SLC48A1: variants seen among roughly 807,000 people sequenced by gnomAD.
SLC48A1 encodes the protein heme transporter HRG1.
Under a neutral mutation model 14.8 loss-of-function variants are expected in SLC48A1, and 6 were observed. The ratio of observed to expected loss-of-function variants is 0.41; its 90% CI spans 0.22 to 0.80. The LOEUF (loss-of-function observed/expected upper bound fraction) is 0.80. Ranked by LOEUF, SLC48A1 falls within the 30% of genes least tolerant of loss-of-function variation. The pLI is 0.34. For synonymous variants in SLC48A1, 89 were observed against 90.0 expected (o/e 0.99, Z 0.06); for missense variants, 165 against 204.8 (o/e 0.81, Z 1.19).
upstream of SLC48A1, among the ~76,000 whole-genome samples, chr12:47,772,783 T>G (rs906187439): frequency 6.6e-6 from 1 of 152,110 alleles, no homozygotes; most frequent in Non-Finnish European, 1.5e-5. Flanking sequence ...CTTTAGTGTG[T>G]GGAGAAATCC....
Position 47,780,990 on chromosome 12 carries a change from C to G in SLC48A1, c.*709C>G, listed in dbSNP as rs1194736226. The stretch of plus-strand genomic sequence containing the variant: ...ATGCTGCAGGCAAGGGTTTCCATCC[C>G]CGCTGCCCTAGGCACTCTCTTCCCA... On this transcript the variant is annotated 3_prime_UTR_variant, in exon 3 of 3. Coordinates refer to ENST00000442218, the MANE Select transcript of SLC48A1 (RefSeq NM_017842.3). 2.0e-6 allele frequency: 1 copy of G among 509,998 alleles called. No homozygotes were observed. The highest frequency in any genetic ancestry group is 4.0e-6 in the Non-Finnish European group (1 of 250,436). 31.6% of individuals were successfully genotyped at this position (509,998 alleles called of 1,614,324 possible). A position where few individuals can be genotyped will look rare whatever the true frequency, so the allele number is the denominator to read the frequency against.
exon 1 of SLC48A1, chr12:47,758,610 C>A (rs1404340975): frequency 1.6e-5 from 25 of 1,609,690 alleles, no homozygotes; most frequent in Non-Finnish European, 2.1e-5. Context: ...GCTGGGGGGT[C>A]CCCAGCGACC....
upstream of SLC48A1, chr12:47,772,324 T>C (rs983531506): frequency 4.5e-5 from 7 of 154,722 alleles, no homozygotes; most frequent in African/African-American, 1.7e-4. Context: ...TACAATGGTA[T>C]GATCCCGAGG....
chr12:47,767,423 A>G (rs1169958581), upstream of SLC48A1, among the ~76,000 whole-genome samples: 1 of 152,198 alleles, frequency 6.6e-6, no homozygotes, highest in Non-Finnish European at 1.5e-5. Context: ...ACCTGGCGTT[A>G]TACTAGCCAC....
intron 2 of SLC48A1, among the ~76,000 whole-genome samples, chr12:47,762,022 T>A (rs1942391602): frequency 6.6e-6 from 1 of 152,108 alleles, no homozygotes; most frequent in Non-Finnish European, 1.5e-5. Context: ...TGAAACATAC[T>A]GACAGCTCCT....
At chr12:47,766,196 C>T (rs1274428369) in intron 2 of SLC48A1, among the ~76,000 whole-genome samples, 1 of 152,200 alleles carries the variant, frequency 6.6e-6, no homozygotes, top group African/African-American at 2.4e-5. Context: ...GATGAAGGCT[C>T]CATGGTGACT....
At chr12:47,758,505 C>G, upstream of SLC48A1, 1 of 1,604,890 alleles carries the variant, frequency 6.2e-7, no homozygotes, top group Non-Finnish European at 8.5e-7. Context: ...AGCTTCCTCT[C>G]CCGCCCTCTC....
At chr12:47,763,646 G>C (rs572960467) in intron 2 of SLC48A1, among the ~76,000 whole-genome samples, 3 of 152,304 alleles carry the variant, frequency 2.0e-5, no homozygotes, top group East Asian at 1.9e-4. Flanking sequence ...TTCCTGGGGT[G>C]GGGGGCAGCG....
At chr12:47,767,604 G>A (rs1337015660), upstream of SLC48A1, among the ~76,000 whole-genome samples, 1 of 152,196 alleles carries the variant, frequency 6.6e-6, no homozygotes, top group African/African-American at 2.4e-5. Context: ...TTCCAATAGG[G>A]ACAGCAGGAG....
upstream of SLC48A1, chr12:47,757,884 G>A: frequency 1.3e-6 from 2 of 1,555,624 alleles, no homozygotes; most frequent in Non-Finnish European, 1.7e-6. Flanking sequence ...GCCCCTGGAT[G>A]CAGCTCGGAC....
chr12:47,770,670 C>T (rs553916916), upstream of SLC48A1, among the ~76,000 whole-genome samples: 7 of 152,282 alleles, frequency 4.6e-5, no homozygotes, highest in African/African-American at 7.2e-5. Context: ...ACAGGCAGTT[C>T]GCCTTCACTC....
chr12:47,780,905 A>C lies in SLC48A1; in HGVS notation c.*624A>C. 1 of 533,466 alleles carries C rather than the reference A, an allele frequency of 1.9e-6. No homozygotes were observed. Among genetic ancestry groups the C allele is most frequent in the Non-Finnish European group, 3.8e-6 (1 of 260,032 alleles). 33.0% of individuals were successfully genotyped at this position (533,466 alleles called of 1,614,324 possible). ...TTAGCACGCAGTGAGGAATCTTTGT[A>C]CTTAAGGCCAGGGCAACAAAGTCAA... On this transcript the variant is annotated 3_prime_UTR_variant, in exon 3 of 3. Transcript: ENST00000442218.
At chr12:47,773,028 G>C (rs1175206920), upstream of SLC48A1, among the ~76,000 whole-genome samples, 3 of 152,196 alleles carry the variant, frequency 2.0e-5, no homozygotes, top group African/African-American at 7.2e-5. Context: ...ATCCGGACAC[G>C]GCGGGTCTGG....
Position 47,780,267 on chromosome 12 carries a change from C to T in SLC48A1, c.427C>T (p.Leu143Phe). Residue 143 changes from leucine (L) to phenylalanine (F), a missense_variant, in exon 3 of 3, where the codon CTC becomes TTC. By Grantham distance (22) the Leu-to-Phe change is conservative. Coordinates refer to ENST00000442218, the MANE Select transcript of SLC48A1 (RefSeq NM_017842.3). ...GGCTGACTTTGCTGACATCAGCATC[C>T]TCAGCGATTTCTGACCCAGGGGGTG... ...YRADFADISI[L>F]SDF 1 of 1,614,250 alleles carries T rather than the reference C, an allele frequency of 6.2e-7. No homozygotes were observed. The highest frequency in any genetic ancestry group is 8.5e-7 in the Non-Finnish European group (1 of 1,180,040).
chr12:47,779,991 A>G lies in SLC48A1; in HGVS notation c.305-154A>G, dbSNP rs1264851939. 3.9e-5 allele frequency among the ~76,000 whole-genome samples: 6 copies of G among 152,362 alleles called. No homozygotes were observed. The East Asian group carries it at 1.2e-3, about 29-fold the overall frequency. ...CAAAAAGGTTGGGGACCATGGCTCT[A>G]AAACCTCCATCACAGTGTCTTTCTG... is the stretch of plus-strand genomic sequence containing the variant. On this transcript the variant is annotated intron_variant, in intron 2 of 2. Transcript: ENST00000442218.
rs569151422 is a variant in SLC48A1 at position 47,779,722 on chromosome 12, C to T, written c.305-423C>T. Among the ~76,000 whole-genome samples the T allele has an allele frequency of 1.1e-3, 175 of 152,286 alleles. 1 individual carries two copies. The highest frequency in any genetic ancestry group is 4.1e-3 in the African/African-American group (169 of 41,560). ...TCCAGGCTGTGGAACAGTAGTGGTCCGTGGCCTGTTAGGAACCAGGCCACA... is the reference window on the plus strand; with the variant it reads ...TCCAGGCTGTGGAACAGTAGTGGTCTGTGGCCTGTTAGGAACCAGGCCACA... On this transcript the variant is annotated intron_variant, in intron 2 of 2. Coordinates refer to ENST00000442218, the MANE Select transcript of SLC48A1 (RefSeq NM_017842.3).
chr12:47,773,171 T>C, upstream of SLC48A1: 6 of 984,728 alleles, frequency 6.1e-6, no homozygotes, highest in Non-Finnish European at 7.2e-6. Context: ...CGGGCGGCGC[T>C]GGGGGCGGGC....
chr12:47,766,586 A>C (rs1477319008), intron 2 of SLC48A1, among the ~76,000 whole-genome samples: 1 of 152,058 alleles, frequency 6.6e-6, no homozygotes, highest in African/African-American at 2.4e-5. Context: ...CAAGATAGGG[A>C]GGCAGGCCTG....
In SLC48A1 at chr12:47,780,491, GCTC is replaced by G; in HGVS notation, c.*214_*216del. 1.2e-6 allele frequency: 1 copy of G among 806,018 alleles called. No individual in the cohort carries two copies. Among genetic ancestry groups the G allele is most frequent in the Non-Finnish European group, 2.3e-6 (1 of 443,744 alleles). The allele number at this position is 806,018 out of a possible 1,614,324, so 49.9% of individuals were successfully genotyped here. A position where few individuals can be genotyped will look rare whatever the true frequency, so the allele number is the denominator to read the frequency against. ...GGTAGAGAGGGGATCCTGCCATGTT[GCTC>G]CTCATCAGCCTGGCCAGAGGGCAGC... On this transcript the variant is annotated 3_prime_UTR_variant, in exon 3 of 3. Coordinates refer to ENST00000442218, the MANE Select transcript of SLC48A1 (RefSeq NM_017842.3).
Sources: allele counts gnomAD v4.1 joint callset (sites outside exome capture counted in the v4.1 genomes callset), GRCh38; gene constraint gnomAD v4.1.1; transcripts MANE v1.5; gene names NCBI Gene and HGNC (gene_info 2026-07-23, HGNC 2026-07-21).